Variants in MGMT observed in about 807,000 individuals in gnomAD.
MGMT encodes methylated-DNA--protein-cysteine methyltransferase.
In MGMT, 14 loss-of-function variants were observed where a neutral mutation model predicts 15.9. The observed-to-expected ratio is 0.88, with a 90% CI of 0.58 to 1.37. The LOEUF is 1.37. Among genes scored for constraint, MGMT ranks in the 40% most tolerant of loss-of-function variants. MGMT has a pLI of 0.00. For missense variants in MGMT, 282 were observed against 268.1 expected, an observed-to-expected ratio of 1.05 and a Z score of -0.36; for synonymous variants, 130 against 118.2, an observed-to-expected ratio of 1.10 and a Z score of -0.65.
chr10:129,527,895 G>A (rs1450582542), intron 1 of MGMT, among the ~76,000 whole-genome samples: 2 of 151,820 alleles, frequency 1.3e-5, no homozygotes, highest in African/African-American at 4.8e-5. Flanking sequence ...TGCTTCCAGC[G>A]CCAGTGCCTT....
chr10:129,528,326 A>T (rs1415735317), intron 1 of MGMT, among the ~76,000 whole-genome samples: 1 of 148,560 alleles, frequency 6.7e-6, no homozygotes, highest in Non-Finnish European at 1.5e-5. Context: ...GCAGTGGTAT[A>T]GTGGCCATGG....
At chr10:129,687,805 A>T (rs569842323) in intron 2 of MGMT, among the ~76,000 whole-genome samples, 2 of 151,344 alleles carry the variant, frequency 1.3e-5, no homozygotes, top group Admixed American at 1.3e-4. Context: ...CCATTAACTC[A>T]TCACTTACAT....
intron 2 of MGMT, among the ~76,000 whole-genome samples, chr10:129,574,351 T>C (rs1318124376): frequency 6.6e-6 from 1 of 152,228 alleles, no homozygotes; most frequent in East Asian, 1.9e-4. Flanking sequence ...AGGTTGTTCT[T>C]TACCTTTCGT....
At chr10:129,684,700 A>T (rs1298196331) in intron 2 of MGMT, among the ~76,000 whole-genome samples, 1 of 152,218 alleles carries the variant, frequency 6.6e-6, no homozygotes, top group Non-Finnish European at 1.5e-5. Flanking sequence ...AGAGACATCC[A>T]CAGGAAAGGA....
chr10:129,762,365 G>A (rs1564787956), intron 4 of MGMT, among the ~76,000 whole-genome samples: 1 of 152,210 alleles, frequency 6.6e-6, no homozygotes, highest in African/African-American at 2.4e-5. Context: ...TCATATTACT[G>A]CATTTGCTGT....
intron 3 of MGMT, among the ~76,000 whole-genome samples, chr10:129,726,189 T>G (rs1041891756): frequency 5.3e-5 from 8 of 152,082 alleles, no homozygotes; most frequent in Non-Finnish European, 1.0e-4. Context: ...GAAACTCAAC[T>G]TTAGACAGTG....
intron 2 of MGMT, among the ~76,000 whole-genome samples, chr10:129,546,365 A>C (rs1002106715): frequency 6.6e-6 from 1 of 152,212 alleles, no homozygotes; most frequent in Non-Finnish European, 1.5e-5. Flanking sequence ...CCGAGTTAGG[A>C]CATCACTGGG....
rs182182339 is a variant in MGMT at position 129,542,147 on chromosome 10, A to C, written c.125+5770A>C. Among the ~76,000 whole-genome samples, 6 of 152,268 alleles carry C rather than the reference A, an allele frequency of 3.9e-5. No individual in the cohort carries two copies. In the East Asian group the frequency reaches 1.2e-3, roughly 29 times the overall value. ...CGTGAAGATGCCTTTGAGCTTCCCG[A>C]AGGGCAGCTGCAGCAGGAGGTGACC... On this transcript the variant is annotated intron_variant, in intron 2 of 4. Coordinates refer to ENST00000651593, the MANE Select transcript of MGMT (RefSeq NM_002412.5).
intron 2 of MGMT, among the ~76,000 whole-genome samples, chr10:129,703,098 T>C (rs1479284986): frequency 2.0e-5 from 3 of 152,234 alleles, no homozygotes; most frequent in Non-Finnish European, 4.4e-5. Context: ...GTATCATAAA[T>C]CATTGCTTCA....
At chr10:129,695,647 G>A (rs1848022096) in intron 2 of MGMT, among the ~76,000 whole-genome samples, 1 of 152,222 alleles carries the variant, frequency 6.6e-6, no homozygotes, top group South Asian at 2.1e-4. Flanking sequence ...GTGTCAATTA[G>A]GGGTAGGTAC....
At chr10:129,522,905 A>G (rs186791500) in intron 1 of MGMT, among the ~76,000 whole-genome samples, 13 of 152,374 alleles carry the variant, frequency 8.5e-5, no homozygotes, top group Non-Finnish European at 1.2e-4. Context: ...TGTTTCCGTC[A>G]GATCTTCTTG....
At chr10:129,715,238 A>C (rs1848280320) in intron 3 of MGMT, among the ~76,000 whole-genome samples, 1 of 152,270 alleles carries the variant, frequency 6.6e-6, no homozygotes, top group Non-Finnish European at 1.5e-5. Context: ...GTAATTAAAC[A>C]GTAAATCAGT....
At chr10:129,657,021 T>C (rs1490069588) in intron 2 of MGMT, among the ~76,000 whole-genome samples, 1 of 152,140 alleles carries the variant, frequency 6.6e-6, no homozygotes. Context: ...GCTGCCACAA[T>C]GACTGTGAGT....
chr10:129,628,293 G>A (rs1161039728), intron 2 of MGMT, among the ~76,000 whole-genome samples: 1 of 152,200 alleles, frequency 6.6e-6, no homozygotes, highest in Non-Finnish European at 1.5e-5. Context: ...AGCTTTATGA[G>A]TTTATCATAC....
chr10:129,567,955 T>G (rs2119816818), intron 2 of MGMT, among the ~76,000 whole-genome samples: 1 of 152,350 alleles, frequency 6.6e-6, no homozygotes, highest in South Asian at 2.1e-4. Flanking sequence ...CCTGGATTTG[T>G]CACTCCTAAC....
intron 2 of MGMT, among the ~76,000 whole-genome samples, chr10:129,582,994 A>G (rs531218559): frequency 1.3e-5 from 2 of 152,324 alleles, no homozygotes; most frequent in Non-Finnish European, 1.5e-5. Context: ...GCTTTATTCT[A>G]TCTTCCCTAA....
chr10:129,743,641 A>C (rs1404779895), intron 3 of MGMT, among the ~76,000 whole-genome samples: 2 of 152,168 alleles, frequency 1.3e-5, no homozygotes, highest in Non-Finnish European at 2.9e-5. Flanking sequence ...GCACTCCTGG[A>C]CCTTTGGGGA....
intron 2 of MGMT, among the ~76,000 whole-genome samples, chr10:129,667,311 C>G (rs1847670660): frequency 6.6e-6 from 1 of 152,126 alleles, no homozygotes; most frequent in Admixed American, 6.6e-5. Flanking sequence ...CCTAAGTATG[C>G]ACCCTTCAAC....
chr10:129,526,745 T>C (rs1315362051), intron 1 of MGMT, among the ~76,000 whole-genome samples: 2 of 152,226 alleles, frequency 1.3e-5, no homozygotes, highest in African/African-American at 4.8e-5. Context: ...AAGATGGTCC[T>C]GGAAGGACGG....
Sources: gnomAD v4.1 joint callset for allele counts (sites outside exome capture counted in the v4.1 genomes callset) on GRCh38, gnomAD v4.1.1 for gene constraint, MANE v1.5 for transcripts, NCBI Gene and HGNC (gene_info 2026-07-23, HGNC 2026-07-21) for gene names.